Variants in SGCD observed in about 807,000 individuals in gnomAD.
The protein encoded by SGCD is delta-sarcoglycan.
In SGCD, 18 loss-of-function variants were observed where a neutral mutation model predicts 36.6. The observed-to-expected ratio is 0.49, with a 90% CI of 0.34 to 0.73. SGCD has a LOEUF of 0.73. SGCD is among the 30% of genes least tolerant of loss of function. The pLI, the probability that SGCD is intolerant of heterozygous loss-of-function variation, is 0.01. For missense variants in SGCD, 387 were observed against 346.7 expected (o/e 1.12, Z -0.92); for synonymous variants, 133 against 130.6 (o/e 1.02, Z -0.12).
In SGCD at chr5:156,594,948, A is replaced by C. The variant is rs768389032; in HGVS notation, c.399A>C (p.Glu133Asp). ...TQLITGPKAV[E>D]AYGKKFEVKT... ...ATCTCTCAGGTCCAAAAGCCGTAGA[A>C]GCTTATGGTAAAAAATTTGAGGTAA... Residue 133 changes from glutamate to aspartate, a missense_variant, in exon 6 of 9, where the codon GAA becomes GAC. Glu to Asp is a conservative substitution (Grantham distance 45). Coordinates refer to ENST00000337851, the MANE Select transcript of SGCD (RefSeq NM_000337.6). The C allele has an allele frequency of 6.2e-7, 1 of 1,607,840 alleles. No homozygotes were observed. The highest frequency in any genetic ancestry group is 1.1e-5 in the South Asian group (1 of 90,430).
intron 3 of SGCD, among the ~76,000 whole-genome samples, chr5:156,361,714 C>T (rs898611408): frequency 3.3e-5 from 5 of 152,150 alleles, no homozygotes; most frequent in South Asian, 4.1e-4. Flanking sequence ...GTAAGAAATA[C>T]GGTGACTCAA....
At chr5:156,704,525 A>G (rs2113737384) in intron 7 of SGCD, among the ~76,000 whole-genome samples, 1 of 152,212 alleles carries the variant, frequency 6.6e-6, no homozygotes, top group South Asian at 2.1e-4. Flanking sequence ...TGCTATAGCT[A>G]GATGAATGGG....
chr5:156,483,447 G>A (rs943026683), intron 3 of SGCD, among the ~76,000 whole-genome samples: 4 of 152,194 alleles, frequency 2.6e-5, no homozygotes, highest in African/African-American at 9.6e-5. Flanking sequence ...AGCTGACACA[G>A]TACACAGGGG....
At chr5:156,189,255 G>A (rs939630131) in intron 3 of SGCD, among the ~76,000 whole-genome samples, 2 of 152,152 alleles carry the variant, frequency 1.3e-5, no homozygotes, top group African/African-American at 2.4e-5. Flanking sequence ...TTTTTTTGGA[G>A]GCTGAAAACC....
At chr5:156,614,399 G>A (rs180876800) in intron 6 of SGCD, among the ~76,000 whole-genome samples, 9 of 152,280 alleles carry the variant, frequency 5.9e-5, no homozygotes, top group South Asian at 4.1e-4. Context: ...ACTCTTTTCC[G>A]AAACTCCACG....
chr5:155,918,478 G>A (rs1053120907), intron 1 of SGCD, among the ~76,000 whole-genome samples: 13 of 152,172 alleles, frequency 8.5e-5, no homozygotes, highest in African/African-American at 2.2e-4. Context: ...CAGGAGAATC[G>A]CTAGAACCTA....
At chr5:155,847,873 G>A in the SGCD span, among the ~76,000 whole-genome samples, 6 of 152,198 alleles carry the variant, frequency 3.9e-5, no homozygotes, top group Admixed American at 1.3e-4. Flanking sequence ...GTGGAATCAT[G>A]AAATACAATG....
At chr5:155,990,530 A>G (rs916421817) in intron 1 of SGCD, among the ~76,000 whole-genome samples, 6 of 152,182 alleles carry the variant, frequency 3.9e-5, no homozygotes, top group South Asian at 2.1e-4. Flanking sequence ...GGATGAAAAT[A>G]AGACTTAATT....
chr5:155,847,093 A>C, the SGCD span, among the ~76,000 whole-genome samples: 1 of 152,120 alleles, frequency 6.6e-6, no homozygotes, highest in Non-Finnish European at 1.5e-5. Context: ...ACTCCTTACC[A>C]TGTCCCAATG....
chr5:156,683,750 C>T (rs922831615), intron 7 of SGCD, among the ~76,000 whole-genome samples: 5 of 152,298 alleles, frequency 3.3e-5, no homozygotes, highest in African/African-American at 1.2e-4. Flanking sequence ...GAGCAACTCT[C>T]CTTAACTCTT....
chr5:156,000,436 G>T (rs926228444), intron 1 of SGCD, among the ~76,000 whole-genome samples: 1 of 152,220 alleles, frequency 6.6e-6, no homozygotes, highest in Non-Finnish European at 1.5e-5. Context: ...GGGCTGAGCA[G>T]AGGGCTTCTA....
At chr5:156,211,336 G>C (rs542951343) in intron 3 of SGCD, among the ~76,000 whole-genome samples, 1 of 152,258 alleles carries the variant, frequency 6.6e-6, no homozygotes, top group Admixed American at 6.5e-5. Context: ...GGCCAGGCGC[G>C]GTGGCTCAAG....
chr5:156,174,376 T>C (rs577649583), intron 3 of SGCD, among the ~76,000 whole-genome samples: 2 of 151,976 alleles, frequency 1.3e-5, no homozygotes, highest in Non-Finnish European at 2.9e-5. Flanking sequence ...CAAGTGTGTA[T>C]AAAAAGAAAC....
chr5:156,299,326 CA>C (rs1766988684), intron 3 of SGCD, among the ~76,000 whole-genome samples: 1 of 151,966 alleles, frequency 6.6e-6, no homozygotes, highest in Non-Finnish European at 1.5e-5. Context: ...AGTACCATGC[CA>C]ATTTGGTTAC....
chr5:156,026,762 C>A (rs1455699775), intron 1 of SGCD, among the ~76,000 whole-genome samples: 1 of 152,012 alleles, frequency 6.6e-6, no homozygotes, highest in Non-Finnish European at 1.5e-5. Context: ...TAAGAGAGTC[C>A]ATAGATCATG....
the SGCD span, among the ~76,000 whole-genome samples, chr5:155,831,290 T>C: frequency 3.3e-5 from 5 of 152,218 alleles, no homozygotes; most frequent in Non-Finnish European, 5.9e-5. Flanking sequence ...CTCTCCTTGA[T>C]ATCAGGGTCT....
At chr5:155,857,740 ATCTT>A in the SGCD span, among the ~76,000 whole-genome samples, 1 of 151,834 alleles carries the variant, frequency 6.6e-6, no homozygotes, top group Non-Finnish European at 1.5e-5. Flanking sequence ...AGTCTAATTT[ATCTT>A]TCTCTTTCTT....
intron 7 of SGCD, among the ~76,000 whole-genome samples, chr5:156,672,054 G>C (rs1753318420): frequency 6.6e-6 from 1 of 152,112 alleles, no homozygotes; most frequent in African/African-American, 2.4e-5. Context: ...CCATCACTGG[G>C]AGCCACATTT....
chr5:156,753,441 G>A (rs1274054955), intron 7 of SGCD, among the ~76,000 whole-genome samples: 1 of 152,118 alleles, frequency 6.6e-6, no homozygotes, highest in Non-Finnish European at 1.5e-5. Flanking sequence ...ATTGTGTTGT[G>A]GTCATTAATT....
Sources: allele counts gnomAD v4.1 joint callset (sites outside exome capture counted in the v4.1 genomes callset), GRCh38; gene constraint gnomAD v4.1.1; transcripts MANE v1.5; gene names NCBI Gene and HGNC (gene_info 2026-07-23, HGNC 2026-07-21).